LRP6: variants seen among roughly 807,000 people sequenced by gnomAD.
LRP6 encodes the protein low-density lipoprotein receptor-related protein 6.
Under a neutral mutation model 184.1 loss-of-function variants are expected in LRP6, and 43 were observed. The observed-to-expected ratio is 0.23, with a 90% CI of 0.18 to 0.30. The LOEUF (loss-of-function observed/expected upper bound fraction) is 0.30, where lower values mean the gene tolerates loss of function less well. LRP6 is among the 10% of genes least tolerant of loss of function. The pLI, the probability that LRP6 is intolerant of heterozygous loss-of-function variation, is 1.00. For synonymous variants in LRP6, 719 were observed against 684.9 expected (o/e 1.05, Z -0.78); for missense variants, 1,571 against 2,005.3 (o/e 0.78, Z 4.14).
intron 2 of LRP6, among the ~76,000 whole-genome samples, chr12:12,206,588 A>C (rs1027375986): frequency 2.0e-5 from 3 of 151,776 alleles, no homozygotes; most frequent in Non-Finnish European, 4.4e-5. Flanking sequence ...TCTGAGAACA[A>C]CACAAAGGCA....
At chr12:12,138,229 T>C in intron 16 of LRP6, 96 bp downstream of exon 16, 1 of 1,191,622 alleles carries the variant, frequency 8.4e-7, no homozygotes, top group Non-Finnish European at 1.2e-6. Context: ...TGCATGAAAG[T>C]CTTCAAGGAA....
At chr12:12,138,007 T>TAAA (rs879734445) in intron 16 of LRP6, among the ~76,000 whole-genome samples, 1 of 140,166 alleles carries the variant, frequency 7.1e-6, no homozygotes, top group Admixed American at 7.2e-5. Context: ...TACTAAAAAT[T>TAAA]AAAAAAAAAA....
At chr12:12,149,488 C>T (rs11054709) in intron 13 of LRP6, among the ~76,000 whole-genome samples, 1 of 152,112 alleles carries the variant, frequency 6.6e-6, no homozygotes, top group Non-Finnish European at 1.5e-5. Context: ...AAACCACACC[C>T]TAGAAATATC....
intron 9 of LRP6, among the ~76,000 whole-genome samples, chr12:12,163,077 G>C (rs1364390177): frequency 1.3e-5 from 2 of 152,152 alleles, no homozygotes; most frequent in Non-Finnish European, 2.9e-5. Context: ...CCAGGTTCAA[G>C]TGATTCTCGT....
intron 19 of LRP6, 46 bp downstream of exon 19, chr12:12,130,737 T>A: frequency 8.1e-7 from 1 of 1,239,910 alleles, no homozygotes; most frequent in Non-Finnish European, 1.2e-6. Context: ...AAAAAATTGT[T>A]TAAATTCTCT....
chr12:12,133,279 T>A (rs918871524), intron 17 of LRP6, among the ~76,000 whole-genome samples: 1 of 152,266 alleles, frequency 6.6e-6, no homozygotes. Flanking sequence ...CATGTTGAAA[T>A]GTAATCCCCA....
rs1316709045 is a variant in LRP6 at position 12,244,248 on chromosome 12, G to A, written c.449+14C>T. The A allele has an allele frequency of 4.3e-6, 7 of 1,613,922 alleles. No homozygotes were observed. The highest frequency in any genetic ancestry group is 4.5e-5 in the East Asian group (2 of 44,878). The stretch of plus-strand genomic sequence containing the variant: ...GGAGGTATGATGATCTTCGTACACT[G>A]TACAAAAACTTACCCACTTGAAGGA... On this transcript the variant is annotated intron_variant, in intron 2 of 22. Transcript: ENST00000261349.
intron 15 of LRP6, among the ~76,000 whole-genome samples, chr12:12,146,558 A>C (rs1950009471): frequency 6.6e-6 from 1 of 152,234 alleles, no homozygotes; most frequent in Non-Finnish European, 1.5e-5. Context: ...AAGACGAACA[A>C]ATAATTTAAT....
intron 2 of LRP6, among the ~76,000 whole-genome samples, chr12:12,211,919 G>T (rs547871263): frequency 6.6e-6 from 1 of 152,034 alleles, no homozygotes; most frequent in Non-Finnish European, 1.5e-5. Context: ...GCTGTTATAC[G>T]TCATTCCTCT....
At chr12:12,231,108 G>A (rs1453529880) in intron 2 of LRP6, among the ~76,000 whole-genome samples, 1 of 149,272 alleles carries the variant, frequency 6.7e-6, no homozygotes, top group African/African-American at 2.5e-5. Flanking sequence ...TTGAACCTGG[G>A]TGGCGGAGGT....
At chr12:12,242,373 A>G (rs549615676) in intron 2 of LRP6, among the ~76,000 whole-genome samples, 48 of 152,350 alleles carry the variant, frequency 3.2e-4, no homozygotes, top group African/African-American at 1.1e-3. Context: ...CATTTAACAG[A>G]TATTTCATTA....
At chr12:12,144,611 A>G (rs1456017978) in intron 15 of LRP6, among the ~76,000 whole-genome samples, 1 of 152,232 alleles carries the variant, frequency 6.6e-6, no homozygotes, top group Non-Finnish European at 1.5e-5. Context: ...ACTGTACTCT[A>G]GCCTGGGTGA....
In LRP6 at chr12:12,131,170, C is replaced by T. The variant is rs9630249; in HGVS notation, c.3971-277G>A. On this transcript the variant is annotated intron_variant, in intron 18 of 22. Transcript: ENST00000261349. ...TCGCCCAGGCTGGAGTGCAGTGGCGCGATATTGGCTCACTGCAAGCTCTGC... is the reference window on the plus strand; with the variant it reads ...TCGCCCAGGCTGGAGTGCAGTGGCGTGATATTGGCTCACTGCAAGCTCTGC... Among the ~76,000 whole-genome samples the T allele has an allele frequency of 0.08, 11,017 of 138,360 alleles. 484 individuals carry two copies. Among genetic ancestry groups the T allele is most frequent in the Admixed American group, 0.13 (1,584 of 11,998 alleles). 90.8% of individuals were successfully genotyped at this position (138,360 alleles called of 152,430 possible). A position where few individuals can be genotyped will look rare whatever the true frequency, so the allele number is the denominator to read the frequency against.
chr12:12,190,607 G>A (rs917780076), intron 3 of LRP6, among the ~76,000 whole-genome samples: 2 of 152,180 alleles, frequency 1.3e-5, no homozygotes, highest in Middle Eastern at 6.8e-3. Context: ...GCACCAACTG[G>A]ACTTATCCTT....
intron 10 of LRP6, 121 bp downstream of exon 10, chr12:12,162,072 A>G (rs1862754827): frequency 1.3e-6 from 1 of 783,092 alleles, no homozygotes; most frequent in South Asian, 1.6e-5. Context: ...TTCATCTATC[A>G]TTTAGTTCTC....
intron 1 of LRP6, among the ~76,000 whole-genome samples, chr12:12,262,788 G>A (rs1423414579): frequency 3.9e-5 from 6 of 152,150 alleles, no homozygotes; most frequent in Non-Finnish European, 7.3e-5. Context: ...ACCAGAGGCT[G>A]ACATATAGGA....
In LRP6 at chr12:12,220,149, G is replaced by A. The variant is rs566427037; in HGVS notation, c.450-16749C>T. Among the ~76,000 whole-genome samples, 47 of 152,182 alleles carry A rather than the reference G, an allele frequency of 3.1e-4. No individual in the cohort carries two copies. In the South Asian group the frequency reaches 8.7e-3, roughly 28 times the overall value. ...CTAAAAATGCAAAAATTAACCAGGT[G>A]TGGTGGCACACGCCTGCAGTCCCAG... On this transcript the variant is annotated intron_variant, in intron 2 of 22. Transcript: ENST00000261349.
intron 1 of LRP6, among the ~76,000 whole-genome samples, chr12:12,250,777 C>T (rs1865306425): frequency 6.6e-6 from 1 of 151,938 alleles, no homozygotes; most frequent in African/African-American, 2.4e-5. Flanking sequence ...CGCCCAACAC[C>T]ACACCCGGCT....
At chr12:12,208,818 G>A (rs1864132486) in intron 2 of LRP6, among the ~76,000 whole-genome samples, 1 of 152,178 alleles carries the variant, frequency 6.6e-6, no homozygotes, top group South Asian at 2.1e-4. Context: ...CAGAAACAGT[G>A]AAATGGTTTT....
Sources: gnomAD v4.1 joint callset for allele counts (sites outside exome capture counted in the v4.1 genomes callset) on GRCh38, gnomAD v4.1.1 for gene constraint, MANE v1.5 for transcripts, NCBI Gene and HGNC (gene_info 2026-07-23, HGNC 2026-07-21) for gene names.